The following TMEM18 variants were observed in gnomAD, a reference collection of about 807,000 sequenced individuals.
TMEM18 encodes the protein transmembrane protein 18.
Under a neutral mutation model 17.4 loss-of-function variants are expected in TMEM18, and 14 were observed. That is an observed-to-expected ratio of 0.80 (90% CI 0.53 to 1.25). The LOEUF is 1.25. Ranked by LOEUF, TMEM18 falls within the 50% of genes most tolerant of loss-of-function variation. TMEM18 has a pLI of 0.00. For missense variants in TMEM18, 187 were observed against 172.1 expected, an observed-to-expected ratio of 1.09 and a Z score of -0.48; for synonymous variants, 86 against 66.1, an observed-to-expected ratio of 1.30 and a Z score of -1.46.
At position 669,423 on chromosome 2, in the gene TMEM18, A is replaced by G. The variant is rs1678777905; in HGVS notation, c.*157T>C. ...ACATTCAGTGCTGGCTGAAAAGCCAACTTCAGTGTGTGCCCTACCACTGTG... is the reference window on the plus strand; with the variant it reads ...ACATTCAGTGCTGGCTGAAAAGCCAGCTTCAGTGTGTGCCCTACCACTGTG... On this transcript the variant is annotated 3_prime_UTR_variant, in exon 5 of 5. Coordinates refer to ENST00000281017, the MANE Select transcript of TMEM18 (RefSeq NM_152834.4). The G allele has an allele frequency of 1.3e-6, 1 of 759,422 alleles. No homozygotes were observed. Among genetic ancestry groups the G allele is most frequent in the South Asian group, 1.7e-5 (1 of 57,830 alleles). The allele number at this position is 759,422 out of a possible 1,614,324, so 47.0% of individuals were successfully genotyped here.
At chr2:674,695 G>A (rs890603117) in intron 2 of TMEM18, among the ~76,000 whole-genome samples, 6 of 152,168 alleles carry the variant, frequency 3.9e-5, no homozygotes, top group East Asian at 1.9e-4. Flanking sequence ...CAGATTTCCC[G>A]CTTTGCACAC....
intron 3 of TMEM18, among the ~76,000 whole-genome samples, chr2:671,247 G>C (rs1678839856): frequency 6.6e-6 from 1 of 152,190 alleles, no homozygotes; most frequent in Non-Finnish European, 1.5e-5. Context: ...AGGGAAGGGA[G>C]GGGCCAGAAA....
rs2103087492 is a variant in TMEM18 at position 666,152 on chromosome 2, C to T, written c.*3428G>A. On this transcript the variant is annotated 3_prime_UTR_variant, in exon 5 of 5. Transcript: ENST00000281017. ...AGGGCCCATGGAGGCTGACATCCAG[C>T]TCGCTCAGATGGAGCAGGAGCTGCT... Among the ~76,000 whole-genome samples the T allele has an allele frequency of 6.6e-6, 1 of 152,370 alleles. No individual in the cohort carries two copies. The highest frequency in any genetic ancestry group is 2.4e-5 in the African/African-American group (1 of 41,602).
intron 1 of TMEM18, 162 bp from the exon 2 acceptor site, chr2:675,792 A>T (rs1238566765): frequency 7.8e-6 from 12 of 1,532,418 alleles, no homozygotes; most frequent in Non-Finnish European, 1.0e-5. Context: ...GCCTCAGAGA[A>T]ACATGGGGAC....
At position 664,633 on chromosome 2, in the gene TMEM18, A is replaced by G. The variant is rs1343371682; in HGVS notation, c.*4947T>C. 6.6e-6 allele frequency among the ~76,000 whole-genome samples: 1 copy of G among 152,240 alleles called. No individual in the cohort carries two copies. Among genetic ancestry groups the G allele is most frequent in the Non-Finnish European group, 1.5e-5 (1 of 68,050 alleles). ...CTTTTTTTACGTTGCTACTTAGTGC[A>G]GACAAGGATTTCAGGAAATATGTAC... On this transcript the variant is annotated 3_prime_UTR_variant, in exon 5 of 5. Transcript: ENST00000281017.
chr2:673,346 G>C (rs1231727887), intron 2 of TMEM18, among the ~76,000 whole-genome samples: 1 of 152,130 alleles, frequency 6.6e-6, no homozygotes, highest in East Asian at 1.9e-4. Flanking sequence ...AACAGCTTTG[G>C]GGTGCTGGAG....
chr2:676,742 C>CCACCCCACACGAT, intron 1 of TMEM18: 1 of 1,133,204 alleles, frequency 8.8e-7, no homozygotes, highest in Non-Finnish European at 1.2e-6. Flanking sequence ...TTCCTCCGTG[C>CCACCCCACACGAT]CACCCCACAC....
At chr2:676,541 C>G (rs1312734344) in intron 1 of TMEM18, 2 of 1,548,852 alleles carry the variant, frequency 1.3e-6, no homozygotes, top group African/African-American at 1.4e-5. Flanking sequence ...GACATAAGGA[C>G]ACAAGCGCAT....
intron 2 of TMEM18, among the ~76,000 whole-genome samples, chr2:674,783 G>C (rs745776667): frequency 2.0e-5 from 3 of 152,196 alleles, no homozygotes; most frequent in Non-Finnish European, 4.4e-5. Flanking sequence ...CCAATGTTGA[G>C]AGTCAAGAGT....
In TMEM18 at chr2:669,585, C is replaced by A. The variant is rs1312168542; in HGVS notation, c.418G>T (p.Asp140Tyr). Residue 140 changes from aspartate to tyrosine, a missense_variant, in exon 5 of 5, where the codon GAC (aspartate) becomes TAC (tyrosine). Asp to Tyr is a radical substitution (Grantham distance 160, BLOSUM62 -3). Transcript: ENST00000281017. ...CTCCAAGCAGCTGCTGCCCCTCAGT[C>A]TTCTTTCCTTCTCCTTTTCTTTTCC... ...RKEKKRRRKE[D>Y] The A allele has an allele frequency of 1.2e-6, 2 of 1,614,094 alleles. No individual in the cohort carries two copies. The highest frequency in any genetic ancestry group is 1.7e-6 in the Non-Finnish European group (2 of 1,180,036).
rs1678617468 is a variant in TMEM18, at chr2:664,277, A to T, written c.*5303T>A. 1.3e-5 allele frequency among the ~76,000 whole-genome samples: 2 copies of T among 152,170 alleles called. No individual in the cohort carries two copies. Among genetic ancestry groups the T allele is most frequent in the Admixed American group, 6.5e-5 (1 of 15,278 alleles). On this transcript the variant is annotated 3_prime_UTR_variant, in exon 5 of 5. Transcript: ENST00000281017. ...GAGGGTCACTTGTCAGCTTGGGAGG[A>T]GGTGGAACCTCAGCTCTTCACAGTT...
intron 1 of TMEM18, 67 bp from the exon 2 acceptor site, chr2:675,697 A>G (rs1678985585): frequency 9.4e-6 from 15 of 1,592,176 alleles, no homozygotes; most frequent in Admixed American, 1.7e-5. Flanking sequence ...GCCCACCCAC[A>G]GCCTTCTCCC....
At chr2:675,711 G>T (rs768572044) in intron 1 of TMEM18, 81 bp from the exon 2 acceptor site, 3 of 1,566,628 alleles carry the variant, frequency 1.9e-6, no homozygotes, top group Non-Finnish European at 2.6e-6. Context: ...TTCTCCCAGC[G>T]CAGGAGGCAG....
intron 3 of TMEM18, chr2:670,955 G>C (rs942996836): frequency 9.2e-5 from 14 of 152,494 alleles, no homozygotes; most frequent in African/African-American, 3.4e-4. Context: ...GTCGGCGAGG[G>C]TGGGGTGAAG....
At chr2:670,652 G>GT (rs1307584023) in intron 3 of TMEM18, 2 of 152,516 alleles carry the variant, frequency 1.3e-5, no homozygotes, top group Non-Finnish European at 2.9e-5. Flanking sequence ...AGGCCCAGAA[G>GT]TAAGAGGCAG....
In TMEM18 at chr2:669,506, G is replaced by T; in HGVS notation, c.*74C>A. On this transcript the variant is annotated 3_prime_UTR_variant, in exon 5 of 5. Coordinates refer to ENST00000281017, the MANE Select transcript of TMEM18 (RefSeq NM_152834.4). The stretch of plus-strand genomic sequence containing the variant: ...ATGAGTCAGCTGGAAGGATGCCCAC[G>T]CCACGCACACTGCAGCACTGGGAGC... The T allele has an allele frequency of 1.4e-6, 2 of 1,441,924 alleles. No homozygotes were observed. The highest frequency in any genetic ancestry group is 1.9e-6 in the Non-Finnish European group (2 of 1,036,978). 89.3% of individuals were successfully genotyped at this position (1,441,924 alleles called of 1,614,324 possible).
intron 1 of TMEM18, chr2:676,410 C>A (rs183655250): frequency 7.5e-7 from 1 of 1,341,100 alleles, no homozygotes; most frequent in Non-Finnish European, 1.0e-6. Flanking sequence ...GCAGCCCCGC[C>A]CTGCCCTCCA....
At chr2:672,776 G>A in intron 3 of TMEM18, 32 bp downstream of exon 3, 1 of 1,441,474 alleles carries the variant, frequency 6.9e-7, no homozygotes. Flanking sequence ...ACCCCTGCAG[G>A]GACCTGGTCA....
chr2:677,110 G>C, intron 1 of TMEM18, 179 bp downstream of exon 1: 1 of 663,862 alleles, frequency 1.5e-6, no homozygotes, highest in Non-Finnish European at 2.4e-6. Context: ...GCGCGCCCCC[G>C]ACGCCGGCCC....
Sources: gnomAD v4.1 joint callset for allele counts (sites outside exome capture counted in the v4.1 genomes callset) on GRCh38, gnomAD v4.1.1 for gene constraint, MANE v1.5 for transcripts, NCBI Gene and HGNC (gene_info 2026-07-23, HGNC 2026-07-21) for gene names.